USH2A: variants seen among roughly 807,000 people sequenced by gnomAD.
USH2A encodes the protein usherin.
In USH2A, 443 loss-of-function variants were observed where a neutral mutation model predicts 538.9. The ratio of observed to expected loss-of-function variants is 0.82; its 90% CI spans 0.76 to 0.89. The LOEUF (loss-of-function observed/expected upper bound fraction) is 0.89, where lower values mean the gene tolerates loss of function less well. Among genes scored for constraint, USH2A ranks in the 40% least tolerant of loss-of-function variants. The probability of loss-of-function intolerance (pLI) is 0.00; values close to 1 mark genes in which losing one functional copy is unlikely to be tolerated. For missense variants in USH2A, 6,633 were observed against 6,324.8 expected (o/e 1.05, Z -1.65); for synonymous variants, 2,413 against 2,273.5 (o/e 1.06, Z -1.75).
chr1:216,212,192 C>T (rs1348080482), intron 15 of USH2A, among the ~76,000 whole-genome samples: 1 of 152,186 alleles, frequency 6.6e-6, no homozygotes, highest in African/African-American at 2.4e-5. Flanking sequence ...GTTCTTCACA[C>T]ACAGAGGCTC....
intron 33 of USH2A, 121 bp downstream of exon 33, chr1:216,000,282 A>G (rs745842917): frequency 2.0e-4 from 222 of 1,090,862 alleles, no homozygotes; most frequent in Non-Finnish European, 3.0e-4. Flanking sequence ...CCACTGAACT[A>G]ATCACTTCTA....
At chr1:215,902,207 T>C (rs1344373080) in intron 38 of USH2A, among the ~76,000 whole-genome samples, 2 of 152,074 alleles carry the variant, frequency 1.3e-5, no homozygotes, top group Non-Finnish European at 2.9e-5. Flanking sequence ...ACAAATGAAA[T>C]ATCAGGGTCC....
chr1:216,121,641 A>G (rs1490858990), intron 21 of USH2A, among the ~76,000 whole-genome samples: 4 of 152,214 alleles, frequency 2.6e-5, no homozygotes, highest in African/African-American at 9.6e-5. Flanking sequence ...AGCCCATTAA[A>G]TATACAAATT....
intron 3 of USH2A, among the ~76,000 whole-genome samples, chr1:216,415,092 A>G (rs548154770): frequency 2.0e-5 from 3 of 152,232 alleles, no homozygotes; most frequent in Admixed American, 1.3e-4. Flanking sequence ...GGAGAAGAGA[A>G]AAAAAGCACA....
intron 19 of USH2A, among the ~76,000 whole-genome samples, chr1:216,192,776 C>T (rs2034747242): frequency 6.6e-6 from 1 of 151,930 alleles, no homozygotes; most frequent in Admixed American, 6.6e-5. Flanking sequence ...AAGGAACAGC[C>T]TTTTAAATAA....
intron 46 of USH2A, among the ~76,000 whole-genome samples, chr1:215,840,765 C>T (rs528957339): frequency 6.6e-6 from 1 of 152,280 alleles, no homozygotes; most frequent in African/African-American, 2.4e-5. Flanking sequence ...AATAAGGTGC[C>T]TTTGAAAACT....
At chr1:216,400,307 G>T (rs933351406) in intron 3 of USH2A, among the ~76,000 whole-genome samples, 11 of 151,220 alleles carry the variant, frequency 7.3e-5, no homozygotes, top group Admixed American at 2.6e-4. Flanking sequence ...TTGCTATATG[G>T]GTTCAAGGGT....
At chr1:216,088,966 C>T (rs2032215794) in intron 23 of USH2A, 47 bp downstream of exon 23, 1 of 1,610,092 alleles carries the variant, frequency 6.2e-7, no homozygotes, top group Non-Finnish European at 8.5e-7. Flanking sequence ...AGTATGGCAA[C>T]ACCAACATAT....
intron 35 of USH2A, among the ~76,000 whole-genome samples, chr1:215,987,213 A>G (rs1373553932): frequency 5.3e-5 from 8 of 152,208 alleles, no homozygotes; most frequent in African/African-American, 1.9e-4. Flanking sequence ...CTAAGCTTCT[A>G]AAAAGGAATA....
intron 47 of USH2A, among the ~76,000 whole-genome samples, chr1:215,818,289 T>C (rs1662916487): frequency 6.6e-6 from 1 of 151,838 alleles, no homozygotes; most frequent in Non-Finnish European, 1.5e-5. Flanking sequence ...TAAGTCTCTT[T>C]TGTCAGGTGT....
At chr1:216,271,012 T>A (rs2036563268) in intron 11 of USH2A, among the ~76,000 whole-genome samples, 1 of 152,166 alleles carries the variant, frequency 6.6e-6, no homozygotes, top group African/African-American at 2.4e-5. Context: ...TTGCTTTTAA[T>A]TATCACCAAG....
chr1:216,049,663 ATCAT>A (rs1305990432), intron 30 of USH2A, among the ~76,000 whole-genome samples: 1 of 152,160 alleles, frequency 6.6e-6, no homozygotes, highest in Non-Finnish European at 1.5e-5. Context: ...GACAGCTTTC[ATCAT>A]TCAAACACAA....
At chr1:215,924,303 G>A (rs1666178186) in intron 38 of USH2A, among the ~76,000 whole-genome samples, 1 of 151,964 alleles carries the variant, frequency 6.6e-6, no homozygotes, top group South Asian at 2.1e-4. Context: ...ACTCTGGGGG[G>A]TCTATATGCC....
rs759524778 is a variant in USH2A, at chr1:215,743,189, C to T, written c.11536G>A (p.Ala3846Thr). The T allele has an allele frequency of 6.2e-6, 10 of 1,610,298 alleles. No individual in the cohort carries two copies. The highest frequency in any genetic ancestry group is 8.5e-6 in the Non-Finnish European group (10 of 1,178,138). The change falls in exon 59 of 72, where the codon GCA becomes ACA. Residue 3846 changes from alanine (A) to threonine (T), a missense_variant. By Grantham distance (58) the Ala-to-Thr change is moderately conservative. Coordinates refer to ENST00000307340, the MANE Select transcript of USH2A (RefSeq NM_206933.4). Reference protein sequence around the residue: ...PFTQYEIRIQACQNGSCGVSS... With the variant: ...PFTQYEIRIQTCQNGSCGVSS... ...GAAAGACTTTCACCATTTTGACATG[C>T]TTGTATCCTTATCTCATACTGTGTG...
intron 11 of USH2A, among the ~76,000 whole-genome samples, chr1:216,283,534 A>T (rs907039342): frequency 6.6e-6 from 1 of 152,152 alleles, no homozygotes; most frequent in Non-Finnish European, 1.5e-5. Context: ...TTTCAGTACA[A>T]TGTTATGGGA....
At chr1:216,072,618 A>G (rs771163448) in intron 29 of USH2A, 36 of 483,014 alleles carry the variant, frequency 7.5e-5, no homozygotes, top group Non-Finnish European at 1.2e-4. Context: ...GGACTATTAC[A>G]TCCTTAAGAC....
At chr1:216,269,901 A>T (rs1267938626) in intron 11 of USH2A, among the ~76,000 whole-genome samples, 3 of 152,090 alleles carry the variant, frequency 2.0e-5, no homozygotes, top group Non-Finnish European at 4.4e-5. Flanking sequence ...ATCCTGCAAT[A>T]ATTACCCCAG....
At chr1:215,819,249 A>C (rs1662942224) in intron 47 of USH2A, among the ~76,000 whole-genome samples, 1 of 151,770 alleles carries the variant, frequency 6.6e-6, no homozygotes, top group South Asian at 2.1e-4. Context: ...CATTTCAACT[A>C]TCCCTTTCAT....
rs33954636 is a variant in USH2A, at chr1:216,207,713, CTT to C, written c.3158-284_3158-283del. On this transcript the variant is annotated intron_variant, in intron 15 of 71. Coordinates refer to ENST00000307340, the MANE Select transcript of USH2A (RefSeq NM_206933.4). ...TTACATTAAGCATTTCTTTCTTTGC[CTT>C]TTTTTTTTTTTTTTTTGAGAAACCA... Among the ~76,000 whole-genome samples, 114,416 of 129,558 alleles carry C rather than the reference CTT, an allele frequency of 0.88. 50,325 individuals are homozygous for C. Among genetic ancestry groups the C allele is most frequent in the East Asian group, 0.93 (4,218 of 4,516 alleles). The allele number at this position is 129,558 out of a possible 152,430, so 85.0% of individuals were successfully genotyped here. A position where few individuals can be genotyped will look rare whatever the true frequency, so the allele number is the denominator to read the frequency against.
Sources: gnomAD v4.1 joint callset for allele counts (sites outside exome capture counted in the v4.1 genomes callset) on GRCh38, gnomAD v4.1.1 for gene constraint, MANE v1.5 for transcripts, NCBI Gene and HGNC (gene_info 2026-07-23, HGNC 2026-07-21) for gene names.